Variants in SMYD3 observed in about 807,000 individuals in gnomAD.
SMYD3 encodes histone-lysine N-methyltransferase SMYD3.
Under a neutral mutation model 57.7 loss-of-function variants are expected in SMYD3, and 36 were observed. The ratio of observed to expected loss-of-function variants is 0.62; its 90% CI spans 0.48 to 0.82. The LOEUF is 0.82. Among genes scored for constraint, SMYD3 ranks in the 40% least tolerant of loss-of-function variants. SMYD3 has a pLI of 0.00. For missense variants in SMYD3, 515 were observed against 538.8 expected (o/e 0.96, Z 0.44); for synonymous variants, 211 against 195.0 (o/e 1.08, Z -0.68).
chr1:246,036,539 C>CTTTTTTTTTTTTTTTTT (rs59062672), intron 5 of SMYD3, among the ~76,000 whole-genome samples: 12 of 144,958 alleles, frequency 8.3e-5, no homozygotes, highest in Non-Finnish European at 1.7e-4. Flanking sequence ...TTCTTTCTCT[C>CTTTTTTTTTTTTTTTTT]TTTTTTTTTT....
At chr1:246,135,655 T>C (rs1199144615) in intron 5 of SMYD3, among the ~76,000 whole-genome samples, 1 of 151,726 alleles carries the variant, frequency 6.6e-6, no homozygotes, top group Admixed American at 6.6e-5. Flanking sequence ...CACACACACA[T>C]ACGTGTATGT....
At chr1:245,812,364 G>T (rs1264861699) in intron 10 of SMYD3, among the ~76,000 whole-genome samples, 1 of 152,158 alleles carries the variant, frequency 6.6e-6, no homozygotes, top group African/African-American at 2.4e-5. Flanking sequence ...TGCAGGAGCT[G>T]CCCCAGGGTT....
At chr1:246,191,043 A>T (rs1419591358) in intron 5 of SMYD3, among the ~76,000 whole-genome samples, 1 of 152,230 alleles carries the variant, frequency 6.6e-6, no homozygotes, top group Non-Finnish European at 1.5e-5. Flanking sequence ...TGAATACCCT[A>T]AGGTAGTTCA....
At chr1:245,979,518 C>A (rs77326110) in intron 5 of SMYD3, among the ~76,000 whole-genome samples, 2 of 152,056 alleles carry the variant, frequency 1.3e-5, no homozygotes, top group Non-Finnish European at 2.9e-5. Flanking sequence ...CACATGAAGA[C>A]GGGGGCAGAG....
In SMYD3 at chr1:245,794,286, A is replaced by G. The variant is rs183683918; in HGVS notation, c.1077-30137T>C. On this transcript the variant is annotated intron_variant, in intron 10 of 11. Coordinates refer to ENST00000490107, the MANE Select transcript of SMYD3 (RefSeq NM_001167740.2). ...CTTTTTAAAAAATTATTTTAACAAG[A>G]TTCCTTGTACCTCTTAAAATATCTT... 2.3e-3 allele frequency among the ~76,000 whole-genome samples: 353 copies of G among 152,354 alleles called. 2 individuals are homozygous for G. The highest frequency in any genetic ancestry group is 6.4e-3 in the South Asian group (31 of 4,828).
chr1:245,786,689 A>G (rs1287942416), intron 10 of SMYD3, among the ~76,000 whole-genome samples: 1 of 151,884 alleles, frequency 6.6e-6, no homozygotes. Context: ...AGGAGTTCAC[A>G]CGTGAAGCCT....
chr1:246,433,112 T>C (rs1222176191), intron 1 of SMYD3, among the ~76,000 whole-genome samples: 1 of 152,168 alleles, frequency 6.6e-6, no homozygotes, highest in South Asian at 2.1e-4. Flanking sequence ...GATAAATGAC[T>C]TCAGTAAAGT....
At chr1:246,396,814 G>A (rs1382777095) in intron 1 of SMYD3, among the ~76,000 whole-genome samples, 1 of 152,220 alleles carries the variant, frequency 6.6e-6, no homozygotes. Context: ...CAAGGAAGCA[G>A]AAGACTGTAT....
intron 5 of SMYD3, among the ~76,000 whole-genome samples, chr1:246,293,398 T>C (rs932928114): frequency 1.3e-5 from 2 of 152,190 alleles, no homozygotes; most frequent in Non-Finnish European, 2.9e-5. Context: ...GTGTGATCAA[T>C]ATATACCTTT....
intron 1 of SMYD3, among the ~76,000 whole-genome samples, chr1:246,407,836 T>C (rs1169005972): frequency 7.4e-6 from 1 of 134,802 alleles, no homozygotes; most frequent in Non-Finnish European, 1.6e-5. Flanking sequence ...CAAGACTCCG[T>C]CTCAAAATAA....
chr1:246,364,626 C>A (rs757089567), intron 1 of SMYD3, among the ~76,000 whole-genome samples: 1 of 152,152 alleles, frequency 6.6e-6, no homozygotes, highest in Non-Finnish European at 1.5e-5. Context: ...TATAGAGAAT[C>A]AGAACTTGAA....
intron 5 of SMYD3, among the ~76,000 whole-genome samples, chr1:246,194,765 T>G (rs891453476): frequency 9.9e-5 from 15 of 152,240 alleles, no homozygotes; most frequent in African/African-American, 3.6e-4. Flanking sequence ...AAACGGCTAC[T>G]GATTGCCATA....
At chr1:245,766,918 A>G (rs2046136347) in intron 10 of SMYD3, among the ~76,000 whole-genome samples, 1 of 152,170 alleles carries the variant, frequency 6.6e-6, no homozygotes, top group Non-Finnish European at 1.5e-5. Context: ...GTCCAGGGGC[A>G]CTTCCAAATA....
chr1:245,763,308 C>T (rs1437196321), intron 11 of SMYD3, among the ~76,000 whole-genome samples: 1 of 152,162 alleles, frequency 6.6e-6, no homozygotes, highest in African/African-American at 2.4e-5. Flanking sequence ...CTCACACTCT[C>T]CTGGGGGCAG....
At chr1:246,363,004 T>C (rs1190790952) in intron 1 of SMYD3, among the ~76,000 whole-genome samples, 2 of 149,134 alleles carry the variant, frequency 1.3e-5, no homozygotes, top group African/African-American at 5.0e-5. Context: ...CGCCATCCCA[T>C]CTAGGAAGTG....
intron 5 of SMYD3, among the ~76,000 whole-genome samples, chr1:246,072,052 T>C (rs181022782): frequency 2.8e-5 from 1 of 36,248 alleles, no homozygotes; most frequent in African/African-American, 2.5e-4. Context: ...CTGTGCTCAC[T>C]GTGGATGCAT....
intron 5 of SMYD3, among the ~76,000 whole-genome samples, chr1:246,059,143 T>A (rs1325011429): frequency 6.6e-6 from 1 of 152,210 alleles, no homozygotes; most frequent in Non-Finnish European, 1.5e-5. Context: ...CCCAAAGTGC[T>A]GGGATTAAAG....
At chr1:246,479,108 A>C (rs1236825527) in intron 1 of SMYD3, among the ~76,000 whole-genome samples, 1 of 151,472 alleles carries the variant, frequency 6.6e-6, no homozygotes, top group Non-Finnish European at 1.5e-5. Flanking sequence ...ATATATGTAC[A>C]CCTGTCCTCT....
chr1:246,310,170 T>G (rs771719089), intron 5 of SMYD3, among the ~76,000 whole-genome samples: 1 of 148,746 alleles, frequency 6.7e-6, no homozygotes, highest in Non-Finnish European at 1.5e-5. Context: ...ATTAGTAACT[T>G]GGCAGCTCCA....
Sources: gnomAD v4.1 joint callset for allele counts (sites outside exome capture counted in the v4.1 genomes callset) on GRCh38, gnomAD v4.1.1 for gene constraint, MANE v1.5 for transcripts, NCBI Gene and HGNC (gene_info 2026-07-23, HGNC 2026-07-21) for gene names.